ANKRD42: variants seen among roughly 807,000 people sequenced by gnomAD.
ANKRD42 encodes ankyrin repeat domain-containing protein 42.
A neutral mutation model predicts 51.5 loss-of-function variants in ANKRD42; 43 were observed. That is an observed-to-expected ratio of 0.83 (90% confidence interval 0.65 to 1.08). The LOEUF is 1.08. ANKRD42 is among the 50% of genes least tolerant of loss of function. ANKRD42 has a pLI of 0.00. For missense variants in ANKRD42, 608 were observed against 629.3 expected, an observed-to-expected ratio of 0.97 and a Z score of 0.36; for synonymous variants, 203 against 213.0, an observed-to-expected ratio of 0.95 and a Z score of 0.41.
At position 83,243,967 on chromosome 11, in the gene ANKRD42, C is replaced by CTTTTTTT. The variant is rs66756456; in HGVS notation, c.1196-1508_1196-1502dup. 4.3e-3 allele frequency among the ~76,000 whole-genome samples: 291 copies of CTTTTTTT among 66,964 alleles called. 36 individuals carry two copies. Among genetic ancestry groups the CTTTTTTT allele is most frequent in the Non-Finnish European group, 4.8e-3 (188 of 38,946 alleles). 43.9% of individuals were successfully genotyped at this position (66,964 alleles called of 152,430 possible). A position where few individuals can be genotyped will look rare whatever the true frequency, so the allele number is the denominator to read the frequency against. ...GCGTGAACCACCTCGCCTGGCTGCC[C>CTTTTTTT]TTTTTTTTTTTTTTTTTTTTTTTTT... On this transcript the variant is annotated intron_variant, in intron 9 of 10. Transcript: ENST00000533342.
At chr11:83,243,582 T>C (rs1863452594) in intron 9 of ANKRD42, among the ~76,000 whole-genome samples, 2 of 152,216 alleles carry the variant, frequency 1.3e-5, no homozygotes, top group South Asian at 4.1e-4. Flanking sequence ...CCCTCTATCT[T>C]CTTACTAGTG....
intron 5 of ANKRD42, chr11:83,212,802 T>G: frequency 6.7e-7 from 1 of 1,488,408 alleles, no homozygotes; most frequent in Non-Finnish European, 8.9e-7. Context: ...AAGGTCGTCT[T>G]TCAGTGTTCA....
chr11:83,225,297 T>C (rs1862843665), intron 6 of ANKRD42, among the ~76,000 whole-genome samples: 1 of 152,180 alleles, frequency 6.6e-6, no homozygotes, highest in Non-Finnish European at 1.5e-5. Context: ...TTGGTTGCAG[T>C]GGCACATGCC....
At chr11:83,227,998 T>C (rs985781661) in intron 7 of ANKRD42, 126 bp downstream of exon 7, 172 of 1,110,204 alleles carry the variant, frequency 1.5e-4, no homozygotes, top group Non-Finnish European at 2.1e-4. Flanking sequence ...CAGATATCAG[T>C]CTATCTTGTA....
intron 11 of ANKRD42, chr11:83,255,754 ATTTT>A (rs913941012): frequency 1.1e-6 from 1 of 919,870 alleles, no homozygotes; most frequent in African/African-American, 1.7e-5. Flanking sequence ...AGCATGGTTA[ATTTT>A]TTTTTCTTTT....
At chr11:83,197,035 A>ATTATCATT (rs1164732037) in intron 1 of ANKRD42, among the ~76,000 whole-genome samples, 1 of 152,176 alleles carries the variant, frequency 6.6e-6, no homozygotes. Flanking sequence ...TTAAAGAAGA[A>ATTATCATT]TGAAGGTCCG....
At chr11:83,261,070 T>C (rs980254908), downstream of ANKRD42, 3 of 152,150 alleles carry the variant, frequency 2.0e-5, no homozygotes, top group Admixed American at 1.3e-4. Context: ...ATATTAAGTG[T>C]TGTAATTTGC....
chr11:83,216,212 G>A (rs1179012807), intron 5 of ANKRD42, among the ~76,000 whole-genome samples: 1 of 152,082 alleles, frequency 6.6e-6, no homozygotes, highest in African/African-American at 2.4e-5. Context: ...TTACATTATT[G>A]GAGTATTCTA....
At chr11:83,227,706 A>G in intron 6 of ANKRD42, 41 bp from the exon 7 acceptor site, 2 of 1,573,120 alleles carry the variant, frequency 1.3e-6, no homozygotes, top group Non-Finnish European at 1.7e-6. Context: ...AAAAGAATAA[A>G]CTCTTATGTT....
At chr11:83,213,361 A>C in intron 5 of ANKRD42, 10 of 1,579,040 alleles carry the variant, frequency 6.3e-6, no homozygotes, top group Non-Finnish European at 8.6e-6. Flanking sequence ...CATCGGAGTC[A>C]CACCAACCCC....
intron 5 of ANKRD42, among the ~76,000 whole-genome samples, chr11:83,224,050 A>T (rs563541116): frequency 6.0e-5 from 9 of 149,798 alleles, no homozygotes. Context: ...TGTTCATGGC[A>T]TTCTTGTTTT....
In ANKRD42 at chr11:83,245,623, A is replaced by G; in HGVS notation, c.1321A>G (p.Lys441Glu). The G allele has an allele frequency of 2.0e-6, 3 of 1,535,194 alleles. No individual in the cohort carries two copies. Among genetic ancestry groups the G allele is most frequent in the Non-Finnish European group, 2.6e-6 (3 of 1,146,560 alleles). The change falls in exon 10 of 11, where the codon AAG (lysine) becomes GAG (glutamate). Residue 441 changes from lysine (K) to glutamate (E), a missense_variant and splice_region_variant. Lys to Glu is a moderately conservative substitution (Grantham distance 56, BLOSUM62 1). Transcript: ENST00000533342. ...KQKKEQLESEKTIKELQGQLE... is the reference protein window; with the variant it reads ...KQKKEQLESEETIKELQGQLE... ...GAAGAAAGAACAGCTTGAGTCTGAA[A>G]AGTAATGTCCTTAAAACTTTAATGA...
chr11:83,226,558 G>A lies in ANKRD42; in HGVS notation c.788-1189G>A, dbSNP rs145109551. Among the ~76,000 whole-genome samples, 143 of 152,262 alleles carry A rather than the reference G, an allele frequency of 9.4e-4. 1 individual carries two copies. Among genetic ancestry groups the A allele is most frequent in the South Asian group, 7.7e-3 (37 of 4,822 alleles). ...ATAACAAAGTTGGAAGGACTTACACGACTTGATTTTAAGACTTTTACTATA... is the reference window on the plus strand; with the variant it reads ...ATAACAAAGTTGGAAGGACTTACACAACTTGATTTTAAGACTTTTACTATA... On this transcript the variant is annotated intron_variant, in intron 6 of 10. Coordinates refer to ENST00000533342, the MANE Select transcript of ANKRD42 (RefSeq NM_001300975.2).
At chr11:83,230,637 A>C (rs944734822) in intron 7 of ANKRD42, among the ~76,000 whole-genome samples, 1 of 151,514 alleles carries the variant, frequency 6.6e-6, no homozygotes, top group African/African-American at 2.4e-5. Context: ...CCCAGGCTGG[A>C]GTGCAGTGGC....
intron 8 of ANKRD42, among the ~76,000 whole-genome samples, chr11:83,237,728 A>G (rs1863264350): frequency 6.6e-6 from 1 of 152,194 alleles, no homozygotes; most frequent in South Asian, 2.1e-4. Flanking sequence ...TGGCTTTATC[A>G]AGGTATAATT....
chr11:83,250,793 T>C (rs1340302217), downstream of ANKRD42, among the ~76,000 whole-genome samples: 1 of 152,212 alleles, frequency 6.6e-6, no homozygotes, highest in Admixed American at 6.5e-5. Context: ...GGACTCTTAA[T>C]GATTAGCCAT....
At chr11:83,255,358 T>G (rs1400317101) in intron 11 of ANKRD42, among the ~76,000 whole-genome samples, 1 of 152,102 alleles carries the variant, frequency 6.6e-6, no homozygotes, top group Non-Finnish European at 1.5e-5. Context: ...CCAGGCAAAG[T>G]GCAAAATGAG....
chr11:83,248,138 G>C lies in ANKRD42; in HGVS notation c.1518G>C (p.Glu506Asp), dbSNP rs1302359404. The C allele has an allele frequency of 6.5e-6, 10 of 1,542,856 alleles. No homozygotes were observed. The Admixed American group carries it at 2.0e-4, about 30-fold the overall frequency. ...TFIFLKKYIQ[E>D]WPRVQALGWG... Reference sequence around the variant, plus strand: ...TTTTTCTCAAGAAGTATATACAAGAGTGGCCAAGAGTACAAGCTTTGGGCT... The same window carrying C: ...TTTTTCTCAAGAAGTATATACAAGACTGGCCAAGAGTACAAGCTTTGGGCT... The change falls in exon 11 of 11, where the codon GAG becomes GAC. Residue 506 changes from glutamate (E) to aspartate (D), a missense_variant. Physicochemically the swap from Glu to Asp is conservative, Grantham distance 45 (BLOSUM62 2). Transcript: ENST00000533342.
chr11:83,213,486 T>C, intron 5 of ANKRD42: 1 of 1,359,860 alleles, frequency 7.4e-7, no homozygotes, highest in South Asian at 1.5e-5. Context: ...AAAAAATTAT[T>C]TTGTGTTAGG....
Sources: gnomAD v4.1 joint callset for allele counts (sites outside exome capture counted in the v4.1 genomes callset) on GRCh38, gnomAD v4.1.1 for gene constraint, MANE v1.5 for transcripts, NCBI Gene and HGNC (gene_info 2026-07-23, HGNC 2026-07-21) for gene names.